The following FAF1 variants were observed in gnomAD, a reference collection of about 807,000 sequenced individuals.
The protein encoded by FAF1 is FAS-associated factor 1.
Under a neutral mutation model 92.5 loss-of-function variants are expected in FAF1, and 25 were observed. That is an observed-to-expected ratio of 0.27 (90% CI 0.20 to 0.38). The LOEUF is 0.38. Ranked by LOEUF, FAF1 falls within the 10% of genes least tolerant of loss-of-function variation. The pLI is 1.00. For missense variants in FAF1, 636 were observed against 793.3 expected (o/e 0.80, Z 2.38); for synonymous variants, 234 against 273.2 (o/e 0.86, Z 1.42).
chr1:50,594,625 CG>C (rs1335019305), intron 9 of FAF1, among the ~76,000 whole-genome samples: 11 of 13,292 alleles, frequency 8.3e-4, no homozygotes, highest in East Asian at 1.8e-3. Flanking sequence ...TTTGGGAGGC[CG>C]GGGGGGGTGG....
intron 15 of FAF1, among the ~76,000 whole-genome samples, chr1:50,516,696 G>T (rs1395609969): frequency 1.3e-5 from 2 of 152,136 alleles, no homozygotes; most frequent in East Asian, 3.9e-4. Context: ...TCCATGGTTG[G>T]CTGGTCCTGA....
intron 4 of FAF1, among the ~76,000 whole-genome samples, chr1:50,784,899 G>A (rs1266748111): frequency 6.6e-6 from 1 of 152,062 alleles, no homozygotes; most frequent in Admixed American, 6.6e-5. Context: ...AATGATCTTT[G>A]ACTAGAGTGC....
intron 7 of FAF1, among the ~76,000 whole-genome samples, chr1:50,658,245 A>G (rs767076965): frequency 1.5e-4 from 23 of 152,120 alleles, no homozygotes; most frequent in Non-Finnish European, 2.8e-4. Flanking sequence ...ATTTCTTGAA[A>G]TTATTTTTCA....
At chr1:50,929,099 G>A (rs139218284) in intron 1 of FAF1, among the ~76,000 whole-genome samples, 166 of 138,268 alleles carry the variant, frequency 1.2e-3, no homozygotes, top group Middle Eastern at 3.8e-3. Flanking sequence ...AGAAAGAAAA[G>A]AAAAAAAAAC....
chr1:50,801,528 C>A, intron 3 of FAF1, 103 bp downstream of exon 3: 1 of 664,412 alleles, frequency 1.5e-6, no homozygotes. Flanking sequence ...ACTTATATAC[C>A]CCAAATCAAT....
chr1:50,456,774 T>C (rs761421666), intron 18 of FAF1, among the ~76,000 whole-genome samples: 1 of 152,122 alleles, frequency 6.6e-6, no homozygotes, highest in Non-Finnish European at 1.5e-5. Flanking sequence ...TTTAGAACAC[T>C]GAAATTCAGA....
chr1:50,945,324 G>A (rs1037500492), intron 1 of FAF1, among the ~76,000 whole-genome samples: 2 of 152,182 alleles, frequency 1.3e-5, no homozygotes, highest in Admixed American at 1.3e-4. Context: ...ACAGGAGTGA[G>A]GCACCACTGA....
At chr1:50,605,770 G>A (rs1384638543) in intron 8 of FAF1, among the ~76,000 whole-genome samples, 4 of 152,092 alleles carry the variant, frequency 2.6e-5, no homozygotes, top group Non-Finnish European at 5.9e-5. Context: ...TGGAATATGT[G>A]CAGATTTCTC....
intron 7 of FAF1, among the ~76,000 whole-genome samples, chr1:50,690,540 G>A (rs561384762): frequency 7.9e-5 from 12 of 152,218 alleles, no homozygotes; most frequent in Non-Finnish European, 1.3e-4. Context: ...GGCGGAGGTT[G>A]CAGTGAGCTG....
chr1:50,807,886 C>A (rs527518131), intron 2 of FAF1, among the ~76,000 whole-genome samples: 9 of 152,232 alleles, frequency 5.9e-5, no homozygotes, highest in African/African-American at 2.2e-4. Context: ...AACATGCCAA[C>A]ATTCAAATTC....
chr1:50,552,366 T>C (rs1430487317), intron 13 of FAF1, among the ~76,000 whole-genome samples: 1 of 151,824 alleles, frequency 6.6e-6, no homozygotes, highest in African/African-American at 2.4e-5. Context: ...TATGGTGGCC[T>C]AGTGGCATAG....
intron 1 of FAF1, among the ~76,000 whole-genome samples, chr1:50,913,868 T>C (rs188231256): frequency 3.9e-5 from 6 of 152,308 alleles, no homozygotes; most frequent in Admixed American, 3.3e-4. Context: ...CCAATGCAGG[T>C]AATTTGTTCT....
chr1:50,643,552 A>G (rs945472139), intron 8 of FAF1, among the ~76,000 whole-genome samples: 2 of 152,150 alleles, frequency 1.3e-5, no homozygotes, highest in Non-Finnish European at 2.9e-5. Flanking sequence ...GATAGATACT[A>G]TATTATTTAT....
chr1:50,561,634 T>C (rs1389348305), intron 13 of FAF1, among the ~76,000 whole-genome samples: 1 of 152,122 alleles, frequency 6.6e-6, no homozygotes, highest in Non-Finnish European at 1.5e-5. Flanking sequence ...TAGACCAGCC[T>C]GGCCAATATG....
At chr1:50,723,419 T>G (rs957894440) in intron 6 of FAF1, among the ~76,000 whole-genome samples, 25 of 150,146 alleles carry the variant, frequency 1.7e-4, no homozygotes, top group Non-Finnish European at 1.8e-4. Flanking sequence ...AAAAAATAAG[T>G]AGGATGAGAA....
chr1:50,638,598 C>T (rs1283549198), intron 8 of FAF1, among the ~76,000 whole-genome samples: 1 of 152,060 alleles, frequency 6.6e-6, no homozygotes, highest in African/African-American at 2.4e-5. Flanking sequence ...CGCCCACCAC[C>T]ATGCCCAGCT....
chr1:50,715,067 C>A, intron 6 of FAF1: 1 of 396,436 alleles, frequency 2.5e-6, no homozygotes, highest in Non-Finnish European at 5.0e-6. Context: ...AATTTGGTTT[C>A]TACAAACAGA....
At chr1:50,602,588 C>T (rs975875008) in intron 8 of FAF1, among the ~76,000 whole-genome samples, 1 of 151,352 alleles carries the variant, frequency 6.6e-6, no homozygotes, top group Non-Finnish European at 1.5e-5. Flanking sequence ...CTGCAACCTC[C>T]GTCTCCCAGG....
At chr1:50,804,570 G>C (rs1043448062) in intron 2 of FAF1, among the ~76,000 whole-genome samples, 1 of 152,100 alleles carries the variant, frequency 6.6e-6, no homozygotes, top group Non-Finnish European at 1.5e-5. Flanking sequence ...AAGGTTATTA[G>C]ACATAGTTTA....
Sources: gnomAD v4.1 joint callset for allele counts (sites outside exome capture counted in the v4.1 genomes callset) on GRCh38, gnomAD v4.1.1 for gene constraint, MANE v1.5 for transcripts, NCBI Gene and HGNC (gene_info 2026-07-23, HGNC 2026-07-21) for gene names.